Variants in MYO7A observed in about 807,000 individuals in gnomAD.
MYO7A encodes unconventional myosin-VIIa.
MYO7A carries 210 observed loss-of-function variants against 263.8 expected under a neutral mutation model. The observed-to-expected ratio is 0.80, with a 90% confidence interval of 0.71 to 0.89. MYO7A has a LOEUF of 0.89. Among genes scored for constraint, MYO7A ranks in the 40% least tolerant of loss-of-function variants. MYO7A has a pLI of 0.00. For synonymous variants in MYO7A, 1,239 were observed against 1,197.3 expected, an observed-to-expected ratio of 1.03 and a Z score of -0.72; for missense variants, 2,820 against 2,968.3, an observed-to-expected ratio of 0.95 and a Z score of 1.16.
At chr11:77,158,843 C>T (rs1227355712) in intron 9 of MYO7A, among the ~76,000 whole-genome samples, 1 of 152,228 alleles carries the variant, frequency 6.6e-6, no homozygotes, top group African/African-American at 2.4e-5. Flanking sequence ...ACTCATCTAA[C>T]ATTCTTGGAC....
intron 33 of MYO7A, 54 bp from the exon 34 acceptor site, chr11:77,198,441 G>A: frequency 6.3e-7 from 1 of 1,599,398 alleles, no homozygotes. Context: ...AGATTGAGAA[G>A]GGCTGGGCCT....
At position 77,208,789 on chromosome 11, in the gene MYO7A, T is replaced by A; in HGVS notation, c.6037T>A (p.Phe2013Ile). The A allele has an allele frequency of 6.4e-6, 10 of 1,565,876 alleles. No homozygotes were observed. The highest frequency in any genetic ancestry group is 8.7e-6 in the Non-Finnish European group (10 of 1,154,550). Residue 2013 changes from phenylalanine (F) to isoleucine (I), a missense_variant, in exon 44 of 49, where the codon TTC becomes ATC. Transcript: ENST00000409709. ...PGKDPMADSIFHYYQELPKYL... is the reference protein window; with the variant it reads ...PGKDPMADSIIHYYQELPKYL... ...GAAGGATCCCATGGCCGATTCCATC[T>A]TCCACTATTACCAGGTGGGCACCTC...
chr11:77,190,735 A>G lies in MYO7A; in HGVS notation c.3789A>G (p.Thr1263=), dbSNP rs373880928. 1.3e-6 allele frequency: 2 copies of G among 1,599,758 alleles called. No homozygotes were observed. The highest frequency in any genetic ancestry group is 1.1e-5 in the South Asian group (1 of 87,836). The change falls in exon 30 of 49, where the codon ACA becomes ACG. Residue 1263 remains threonine (T), a synonymous_variant. Coordinates refer to ENST00000409709, the MANE Select transcript of MYO7A (RefSeq NM_000260.4). The part of the protein sequence containing the change: ...KSKKPIMLPV[T]FMDGTTKTLL... ...AGAAGCCAATCATGTTGCCCGTGAC[A>G]TTCATGGATGGGACCACCAAGACCC...
intron 46 of MYO7A, chr11:77,212,284 T>A: frequency 4.6e-6 from 2 of 431,316 alleles, no homozygotes; most frequent in Non-Finnish European, 9.2e-6. Flanking sequence ...AGGTGATATC[T>A]GAGCTTTCCA....
At chr11:77,159,365 C>A in intron 9 of MYO7A, 82 bp from the exon 10 acceptor site, 1 of 1,332,648 alleles carries the variant, frequency 7.5e-7, no homozygotes, top group Non-Finnish European at 1.1e-6. Context: ...GCAGGAGTGG[C>A]AGCCTAGTCC....
chr11:77,201,700 C>G, intron 36 of MYO7A, 62 bp downstream of exon 36: 1 of 1,522,184 alleles, frequency 6.6e-7, no homozygotes, highest in South Asian at 1.2e-5. Context: ...TTGTCCACTT[C>G]CCACAGCTGT....
intron 2 of MYO7A, among the ~76,000 whole-genome samples, chr11:77,134,783 T>A (rs1268609528): frequency 2.5e-5 from 3 of 121,004 alleles, no homozygotes; most frequent in African/African-American, 8.2e-5. Context: ...CCACTTAACT[T>A]TTTTTTTTTT....
intron 2 of MYO7A, among the ~76,000 whole-genome samples, chr11:77,132,729 C>G (rs149072527): frequency 1.2e-4 from 19 of 152,160 alleles, no homozygotes; most frequent in Non-Finnish European, 2.8e-4. Context: ...CCTCGTGATC[C>G]GCCCACCTCG....
intron 31 of MYO7A, among the ~76,000 whole-genome samples, chr11:77,193,534 G>A (rs1476717153): frequency 4.7e-5 from 7 of 150,400 alleles, no homozygotes; most frequent in African/African-American, 1.7e-4. Flanking sequence ...GGCAGTGATG[G>A]TGGTGATGGT....
chr11:77,213,697 A>G (rs955837543), intron 47 of MYO7A, among the ~76,000 whole-genome samples, 163 bp from the exon 48 acceptor site: 10 of 152,086 alleles, frequency 6.6e-5, no homozygotes, highest in Non-Finnish European at 1.5e-4. Context: ...CAAGGTGTGG[A>G]GGGGGAGGCA....
intron 15 of MYO7A, among the ~76,000 whole-genome samples, chr11:77,170,784 G>C (rs905088321): frequency 3.3e-5 from 5 of 152,290 alleles, no homozygotes; most frequent in Non-Finnish European, 7.4e-5. Context: ...AGGAATTTGA[G>C]AGCAATGCTG....
intron 4 of MYO7A, among the ~76,000 whole-genome samples, chr11:77,152,805 T>C (rs1387793157): frequency 6.6e-6 from 1 of 152,006 alleles, no homozygotes; most frequent in Non-Finnish European, 1.5e-5. Flanking sequence ...GGAAGGTGCC[T>C]GGCTTCCTGG....
intron 44 of MYO7A, among the ~76,000 whole-genome samples, chr11:77,209,882 G>A (rs1404397131): frequency 8.2e-4 from 125 of 152,348 alleles, no homozygotes; most frequent in African/African-American, 2.9e-3. Context: ...CCGTGGCCCT[G>A]CCTGGTGGTG....
chr11:77,134,794 T>C (rs1950864612), intron 2 of MYO7A, among the ~76,000 whole-genome samples: 2 of 150,268 alleles, frequency 1.3e-5, no homozygotes, highest in Non-Finnish European at 3.0e-5. Flanking sequence ...TTTTTTTTTT[T>C]TTTTTTGAGA....
rs1555066936 is a variant in MYO7A at position 77,159,530 on chromosome 11, G to T, written c.1080+7G>T. 1.3e-5 allele frequency: 21 copies of T among 1,612,054 alleles called. No individual in the cohort carries two copies. The highest frequency in any genetic ancestry group is 1.8e-5 in the Non-Finnish European group (21 of 1,178,786). On this transcript the variant is annotated splice_region_variant and intron_variant, in intron 10 of 48. Transcript: ENST00000409709. ...AGCTGCATCCCTGCTTGAGGTCAGTGCCTGGCCTCTCTCCCCTCCATGACT... is the reference window on the plus strand; with the variant it reads ...AGCTGCATCCCTGCTTGAGGTCAGTTCCTGGCCTCTCTCCCCTCCATGACT...
rs369458838 is a variant in MYO7A, at chr11:77,190,773, C to T, written c.3827C>T (p.Ser1276Leu). The change falls in exon 30 of 49, where the codon TCG becomes TTG. Residue 1276 changes from serine (S) to leucine (L), a missense_variant. By Grantham distance (145) the Ser-to-Leu change is moderately radical. Transcript: ENST00000409709. ...ACCACCAAGACCCTGCTGACGGACT[C>T]GGCAACCACGGCCAAGGAGCTCTGC... ...DGTTKTLLTD[S>L]ATTAKELCNA... 4.4e-6 allele frequency: 7 copies of T among 1,597,322 alleles called. No homozygotes were observed. Among genetic ancestry groups the T allele is most frequent in the Admixed American group, 3.5e-5 (2 of 57,772 alleles).
chr11:77,183,106 G>A lies in MYO7A; in HGVS notation c.3324G>A (p.Arg1108=), dbSNP rs2135504788. The A allele has an allele frequency of 6.4e-7, 1 of 1,552,130 alleles. No individual in the cohort carries two copies. The highest frequency in any genetic ancestry group is 1.4e-5 in the African/African-American group (1 of 73,230). The change falls in exon 26 of 49, where the codon AGG becomes AGA. Residue 1108 remains arginine (R), a synonymous_variant. Transcript: ENST00000409709. ...AGGGCCAGAAGAAGAGCAGTGTGAG[G>A]CACAAGCTGGTGCATTTGACTCTGA... ...LPEGQKKSSV[R]HKLVHLTLKK...
intron 4 of MYO7A, among the ~76,000 whole-genome samples, chr11:77,149,926 G>T (rs1347126369): frequency 6.6e-6 from 1 of 152,086 alleles, no homozygotes; most frequent in Non-Finnish European, 1.5e-5. Flanking sequence ...ATCTCACAGG[G>T]ACCCGCTGGT....
intron 13 of MYO7A, among the ~76,000 whole-genome samples, 195 bp downstream of exon 13, chr11:77,162,525 A>T (rs1340587954): frequency 6.6e-6 from 1 of 152,232 alleles, no homozygotes; most frequent in Non-Finnish European, 1.5e-5. Context: ...GGGCCAGGCC[A>T]TGAAGATCCA....
Sources: gnomAD v4.1 joint callset for allele counts (sites outside exome capture counted in the v4.1 genomes callset) on GRCh38, gnomAD v4.1.1 for gene constraint, MANE v1.5 for transcripts, NCBI Gene and HGNC (gene_info 2026-07-23, HGNC 2026-07-21) for gene names.